RAPGEF1: variants seen among roughly 807,000 people sequenced by gnomAD.
The protein encoded by RAPGEF1 is Rap guanine nucleotide exchange factor 1, also known as CRK SH3-binding GNRP.
A neutral mutation model predicts 143.3 loss-of-function variants in RAPGEF1; 33 were observed. The observed-to-expected ratio is 0.23, with a 90% CI of 0.17 to 0.31. The LOEUF (loss-of-function observed/expected upper bound fraction) is 0.31, where lower values mean the gene tolerates loss of function less well. Ranked by LOEUF, RAPGEF1 falls within the 10% of genes least tolerant of loss-of-function variation. RAPGEF1 has a pLI of 1.00. For synonymous variants in RAPGEF1, 629 were observed against 676.5 expected (o/e 0.93, Z 1.09); for missense variants, 1,199 against 1,645.4 (o/e 0.73, Z 4.69).
intron 18 of RAPGEF1, among the ~76,000 whole-genome samples, chr9:131,591,885 T>G (rs988723429): frequency 6.6e-6 from 1 of 152,218 alleles, no homozygotes; most frequent in Admixed American, 6.5e-5. Flanking sequence ...CACTCGGCCC[T>G]TTTAGAGATG....
chr9:131,680,718 G>A (rs1832837121), intron 1 of RAPGEF1, among the ~76,000 whole-genome samples: 1 of 152,206 alleles, frequency 6.6e-6, no homozygotes, highest in African/African-American at 2.4e-5. Flanking sequence ...GCTAATGACT[G>A]GCTTGCTGTT....
chr9:131,591,978 C>A, intron 18 of RAPGEF1, 121 bp downstream of exon 18: 1 of 721,224 alleles, frequency 1.4e-6, no homozygotes, highest in South Asian at 1.9e-5. Context: ...GTCCCTACTT[C>A]AATCACACTG....
intron 1 of RAPGEF1, among the ~76,000 whole-genome samples, chr9:131,666,823 T>C (rs1193384866): frequency 6.6e-6 from 1 of 152,246 alleles, no homozygotes; most frequent in Non-Finnish European, 1.5e-5. Context: ...ACATCTCAGA[T>C]GGCACTGGCC....
At chr9:131,680,607 C>A (rs1832826768) in intron 1 of RAPGEF1, among the ~76,000 whole-genome samples, 1 of 152,232 alleles carries the variant, frequency 6.6e-6, no homozygotes, top group African/African-American at 2.4e-5. Context: ...AGGACATGCT[C>A]CTGCTGCAGT....
rs115325340 is a variant in RAPGEF1 at position 131,579,788 on chromosome 9, A to G, written c.3642-141T>C. 1,369 of 878,600 alleles carry G rather than the reference A, an allele frequency of 1.6e-3. 11 individuals carry two copies. In the African/African-American group the frequency reaches 0.02, roughly 13 times the overall value. The allele number at this position is 878,600 out of a possible 1,614,324, so 54.4% of individuals were successfully genotyped here. A position where few individuals can be genotyped will look rare whatever the true frequency, so the allele number is the denominator to read the frequency against. ...ATGCTGCAGGGGCTACCGTTGACCA[A>G]TGTGACAGAGGGGACACCAGTGCTC... On this transcript the variant is annotated intron_variant, in intron 26 of 26. Transcript: ENST00000683357.
intron 1 of RAPGEF1, among the ~76,000 whole-genome samples, chr9:131,695,620 G>A (rs772189537): frequency 6.6e-6 from 1 of 152,196 alleles, no homozygotes; most frequent in African/African-American, 2.4e-5. Flanking sequence ...CTGCTGCCAG[G>A]ACTGAGTGGT....
At chr9:131,643,099 G>A in intron 4 of RAPGEF1, 140 bp downstream of exon 4, 1 of 907,192 alleles carries the variant, frequency 1.1e-6, no homozygotes, top group Non-Finnish European at 1.6e-6. Context: ...TGTGGGGGGA[G>A]TGGTCAGGGG....
chr9:131,646,666 C>T (rs924222844), intron 3 of RAPGEF1, among the ~76,000 whole-genome samples: 5 of 152,192 alleles, frequency 3.3e-5, no homozygotes, highest in Non-Finnish European at 5.9e-5. Context: ...TGCCTCCCCT[C>T]TCCACAGCAA....
At chr9:131,718,141 C>G (rs974441595) in intron 1 of RAPGEF1, among the ~76,000 whole-genome samples, 1 of 152,214 alleles carries the variant, frequency 6.6e-6, no homozygotes, top group Non-Finnish European at 1.5e-5. Flanking sequence ...GGCTTCTCAG[C>G]AGGTGCCCTA....
intron 25 of RAPGEF1, among the ~76,000 whole-genome samples, chr9:131,582,028 T>C (rs1951936634): frequency 6.6e-6 from 1 of 152,188 alleles, no homozygotes; most frequent in South Asian, 2.1e-4. Context: ...TACTAAAGGC[T>C]CTCGTAAGTC....
chr9:131,605,037 G>A lies in RAPGEF1; in HGVS notation c.2213C>T (p.Ala738Val), dbSNP rs1205714703. 14 of 1,363,804 alleles carry A rather than the reference G, an allele frequency of 1.0e-5. No individual in the cohort carries two copies. Among genetic ancestry groups the A allele is most frequent in the Non-Finnish European group, 1.4e-5 (14 of 1,020,880 alleles). The allele number at this position is 1,363,804 out of a possible 1,614,324, so 84.5% of individuals were successfully genotyped here. A position where few individuals can be genotyped will look rare whatever the true frequency, so the allele number is the denominator to read the frequency against. Residue 738 changes from alanine (A) to valine (V), a missense_variant, in exon 13 of 27, where the codon GCC (alanine) becomes GTC (valine). By Grantham distance (64) the Ala-to-Val change is moderately conservative (BLOSUM62 0). Coordinates refer to ENST00000683357, the MANE Select transcript of RAPGEF1 (RefSeq NM_001377935.1). ...GTCCACGGTGCTGGGAGGTGGACCG[G>A]CCATGGTTGGCACGGCTAAGTCAGA... ...QSSDLAVPTMAGPPPSTVDGP... is the reference protein window; with the variant it reads ...QSSDLAVPTMVGPPPSTVDGP...
chr9:131,694,796 T>C (rs911524542), intron 1 of RAPGEF1, among the ~76,000 whole-genome samples: 11 of 115,196 alleles, frequency 9.5e-5, no homozygotes, highest in Admixed American at 5.0e-4. Context: ...CTTCACACTT[T>C]CTTTTTTTTT....
At chr9:131,592,254 T>A (rs944917213) in intron 17 of RAPGEF1, 71 bp from the exon 18 acceptor site, 2 of 1,249,280 alleles carry the variant, frequency 1.6e-6, no homozygotes, top group South Asian at 1.2e-5. Context: ...CAGGGTGGAT[T>A]TGAGTCCTTG....
At chr9:131,656,962 T>A (rs58115269) in intron 1 of RAPGEF1, among the ~76,000 whole-genome samples, 5,473 of 152,262 alleles carry the variant, frequency 0.036, 282 homozygotes, top group African/African-American at 0.11. Context: ...AAGCCATAAA[T>A]CAGGCAGAGA....
intron 1 of RAPGEF1, among the ~76,000 whole-genome samples, chr9:131,734,258 C>T (rs1837277479): frequency 6.6e-6 from 1 of 152,196 alleles, no homozygotes; most frequent in South Asian, 2.1e-4. Context: ...TGACCTTGGG[C>T]AAACAACCAA....
intron 12 of RAPGEF1, among the ~76,000 whole-genome samples, chr9:131,614,750 G>C (rs1338481475): frequency 6.6e-6 from 1 of 152,154 alleles, no homozygotes; most frequent in Admixed American, 6.5e-5. Context: ...GTTTTGCCCA[G>C]AATGGGATGC....
intron 9 of RAPGEF1, 64 bp from the exon 10 acceptor site, chr9:131,626,486 C>T: frequency 3.4e-6 from 5 of 1,481,164 alleles, no homozygotes; most frequent in East Asian, 2.3e-5. Flanking sequence ...CAGCCAGCTC[C>T]CCCCGCCCGC....
In RAPGEF1 at chr9:131,691,507, A is replaced by G. The variant is rs371345305; in HGVS notation, c.62-40558T>C. Among the ~76,000 whole-genome samples the G allele has an allele frequency of 2.6e-3, 395 of 152,292 alleles. 1 individual carries two copies. Among genetic ancestry groups the G allele is most frequent in the African/African-American group, 8.8e-3 (365 of 41,542 alleles). ...CATTATTATAATGAACCCTCATCAG[A>G]TCTCTAATCATGGTCGCTTTAAGTC... On this transcript the variant is annotated intron_variant, in intron 1 of 26. Coordinates refer to ENST00000683357, the MANE Select transcript of RAPGEF1 (RefSeq NM_001377935.1).
At chr9:131,649,673 T>C (rs1267694523) in intron 3 of RAPGEF1, among the ~76,000 whole-genome samples, 1 of 152,136 alleles carries the variant, frequency 6.6e-6, no homozygotes, top group Non-Finnish European at 1.5e-5. Flanking sequence ...GGGACACAGG[T>C]GTCTGGGGCT....
Sources: allele counts gnomAD v4.1 joint callset (sites outside exome capture counted in the v4.1 genomes callset), GRCh38; gene constraint gnomAD v4.1.1; transcripts MANE v1.5; gene names NCBI Gene and HGNC (gene_info 2026-07-23, HGNC 2026-07-21).